Variants in MAP4 observed in about 807,000 individuals in gnomAD.
MAP4 encodes microtubule-associated protein 4.
In MAP4, 76 loss-of-function variants were observed where a neutral mutation model predicts 170.2. The ratio of observed to expected loss-of-function variants is 0.45; its 90% confidence interval spans 0.37 to 0.54. The LOEUF is 0.54. MAP4 is among the 20% of genes least tolerant of loss of function. The pLI is 0.00. For missense variants in MAP4, 2,506 were observed against 2,748.0 expected (o/e 0.91, Z 1.97); for synonymous variants, 909 against 994.5 (o/e 0.91, Z 1.62).
rs1211008445 is a variant in MAP4, at chr3:47,851,621, G to T, written c.*1313C>A. 6.6e-6 allele frequency: 1 copy of T among 152,200 alleles called. No individual in the cohort carries two copies. The highest frequency in any genetic ancestry group is 1.5e-5 in the Non-Finnish European group (1 of 68,036). The allele number at this position is 152,200 out of a possible 1,614,324, so 9.4% of individuals were successfully genotyped here. A position where few individuals can be genotyped will look rare whatever the true frequency, so the allele number is the denominator to read the frequency against. ...AATACAAAAAATACAAGTGCAATAA[G>T]AATCTTTGTGTCAATACAGTTCCCG... On this transcript the variant is annotated 3_prime_UTR_variant, in exon 21 of 21. Transcript: ENST00000683076.
chr3:48,056,870 A>C (rs2100132208), intron 1 of MAP4, among the ~76,000 whole-genome samples: 1 of 106,614 alleles, frequency 9.4e-6, no homozygotes, highest in Admixed American at 9.2e-5. Context: ...CTGCCCGGCC[A>C]GCCACCCCGT....
intron 17 of MAP4, among the ~76,000 whole-genome samples, chr3:47,862,018 G>A (rs1010721073): frequency 9.2e-5 from 14 of 151,588 alleles, no homozygotes; most frequent in Admixed American, 5.3e-4. Context: ...AAAATTAGCC[G>A]GGCGTGGCGG....
At position 47,855,567 on chromosome 3, in the gene MAP4, T is replaced by A. The variant is rs1313722970; in HGVS notation, c.6584-207A>T. ...AATCTCTCCGTCCAGCCAGTGGGAA[T>A]ACCTCCAAGAAAAGGAAAGCCATCC... On this transcript the variant is annotated intron_variant, in intron 18 of 20. Transcript: ENST00000683076. This position sits in a 1 kb window ranked among gnomAD's most constrained non-coding sequence, Gnocchi z 5.1. Among the ~76,000 whole-genome samples, 2 of 152,192 alleles carry A rather than the reference T, an allele frequency of 1.3e-5. No homozygotes were observed. Among genetic ancestry groups the A allele is most frequent in the Non-Finnish European group, 2.9e-5 (2 of 68,016 alleles).
intron 1 of MAP4, among the ~76,000 whole-genome samples, chr3:48,080,268 T>C (rs1033527668): frequency 1.3e-5 from 2 of 152,220 alleles, no homozygotes; most frequent in Non-Finnish European, 2.9e-5. Context: ...GTGAAGTACT[T>C]ATCTTGGGAA....
chr3:48,014,746 T>A (rs1462617637), intron 1 of MAP4, among the ~76,000 whole-genome samples: 1 of 152,208 alleles, frequency 6.6e-6, no homozygotes, highest in Non-Finnish European at 1.5e-5. Flanking sequence ...CATTTTACTG[T>A]GTCACATTAG....
chr3:47,880,470 T>G (rs572200350), intron 10 of MAP4, among the ~76,000 whole-genome samples: 13 of 145,300 alleles, frequency 8.9e-5, no homozygotes, highest in South Asian at 4.5e-4. Flanking sequence ...TTTCAGTTTT[T>G]TTTTTTTTTT....
intron 1 of MAP4, among the ~76,000 whole-genome samples, chr3:48,009,852 C>T (rs1209343475): frequency 1.3e-5 from 2 of 152,142 alleles, no homozygotes; most frequent in Non-Finnish European, 2.9e-5. Flanking sequence ...GGGAAGAATG[C>T]TGCCACCAGG....
chr3:48,087,742 C>T (rs1372344110), intron 1 of MAP4, among the ~76,000 whole-genome samples: 1 of 34,242 alleles, frequency 2.9e-5, no homozygotes, highest in South Asian at 1.5e-3. Flanking sequence ...CACACACGCA[C>T]GCGCACACAC....
At chr3:47,857,538 A>C (rs1237924899) in intron 17 of MAP4, 26 bp from the exon 18 acceptor site, 18 of 1,533,868 alleles carry the variant, frequency 1.2e-5, no homozygotes, top group Non-Finnish European at 1.6e-5. Context: ...CAAAAGACTC[A>C]TTCAGAGAGA....
chr3:47,914,699 T>G, intron 8 of MAP4, 118 bp downstream of exon 8: 1 of 1,211,618 alleles, frequency 8.3e-7, no homozygotes, highest in Non-Finnish European at 1.2e-6. Flanking sequence ...GAGAATTGAC[T>G]TCATAAACTA....
intron 2 of MAP4, among the ~76,000 whole-genome samples, chr3:47,990,478 G>T (rs1414695992): frequency 6.6e-6 from 1 of 152,168 alleles, no homozygotes; most frequent in African/African-American, 2.4e-5. Context: ...CCAGGCCATT[G>T]CCCTGTGTTA....
rs147135866 is a variant in MAP4 at position 47,910,660 on chromosome 3, G to A, written c.3761C>T (p.Pro1254Leu). ...AAATCCTATTTCCTTGCTTTTATGGGGAATACTACCAGTATCTCCATCCTT... is the reference window on the plus strand; with the variant it reads ...AAATCCTATTTCCTTGCTTTTATGGAGAATACTACCAGTATCTCCATCCTT... Reference protein sequence around the residue: ...EGKDGDTGSIPHKSKEIGFTF... With the variant: ...EGKDGDTGSILHKSKEIGFTF... Residue 1254 changes from proline to leucine, a missense_variant, in exon 9 of 21, where the codon CCC (proline) becomes CTC (leucine). Pro to Leu is a moderately conservative substitution (Grantham distance 98). This residue lies in a region of MAP4 where 2,008 missense variants were observed against 2,206.0 expected (regional missense o/e 0.91). Coordinates refer to ENST00000683076, the MANE Select transcript of MAP4 (RefSeq NM_001385682.1). 1,928 of 1,535,966 alleles carry A rather than the reference G, an allele frequency of 1.3e-3. 16 individuals are homozygous for A. In the African/African-American group the frequency reaches 0.021, roughly 17 times the overall value.
intron 3 of MAP4, among the ~76,000 whole-genome samples, chr3:47,950,044 T>C (rs754203331): frequency 6.6e-6 from 1 of 152,156 alleles, no homozygotes; most frequent in African/African-American, 2.4e-5. Context: ...CTCAGGAACT[T>C]AAAACTGCAA....
chr3:47,971,286 T>C (rs1183402069), intron 3 of MAP4, among the ~76,000 whole-genome samples: 1 of 152,236 alleles, frequency 6.6e-6, no homozygotes, highest in Non-Finnish European at 1.5e-5. Flanking sequence ...TTGTGAGTTA[T>C]GATGCCAATT....
chr3:48,024,048 A>T (rs2100111858), intron 1 of MAP4, among the ~76,000 whole-genome samples: 1 of 152,254 alleles, frequency 6.6e-6, no homozygotes, highest in African/African-American at 2.4e-5. Context: ...GCAGTGGCTC[A>T]CGCCAGTAAT....
intron 17 of MAP4, 121 bp from the exon 18 acceptor site, chr3:47,857,633 C>A: frequency 1.5e-6 from 1 of 689,020 alleles, no homozygotes; most frequent in South Asian, 1.7e-5. Context: ...AAGCTGCTAT[C>A]TCAGTCTGGT....
At chr3:47,947,313 C>T (rs1225009838) in intron 3 of MAP4, among the ~76,000 whole-genome samples, 1 of 152,188 alleles carries the variant, frequency 6.6e-6, no homozygotes, top group East Asian at 1.9e-4. Context: ...CCTTCCTCCT[C>T]CTGGCACCCA....
intron 17 of MAP4, among the ~76,000 whole-genome samples, chr3:47,864,463 T>C (rs1576742312): frequency 6.6e-6 from 1 of 151,832 alleles, no homozygotes; most frequent in South Asian, 2.1e-4. Flanking sequence ...GATCATGAGG[T>C]CAGGAGATGG....
At chr3:47,876,532 G>A (rs2095462184) in intron 11 of MAP4, among the ~76,000 whole-genome samples, 1 of 150,710 alleles carries the variant, frequency 6.6e-6, no homozygotes, top group South Asian at 2.1e-4. Context: ...ACTAACTTTT[G>A]GTGGCTATTC....
Sources: gnomAD v4.1 joint callset for allele counts (sites outside exome capture counted in the v4.1 genomes callset) on GRCh38, gnomAD v4.1.1 for gene constraint, gnomAD v4.1.1 regional missense constraint, Gnocchi (gnomAD v3.1) non-coding constraint, MANE v1.5 for transcripts, NCBI Gene and HGNC (gene_info 2026-07-23, HGNC 2026-07-21) for gene names.